The following LUZP2 variants were observed in gnomAD, a reference collection of about 807,000 sequenced individuals.
The protein encoded by LUZP2 is leucine zipper protein 2.
Under a neutral mutation model 51.6 loss-of-function variants are expected in LUZP2, and 52 were observed. The observed-to-expected ratio is 1.01, with a 90% CI of 0.81 to 1.27. The LOEUF (loss-of-function observed/expected upper bound fraction) is 1.27. Among genes scored for constraint, LUZP2 ranks in the 50% most tolerant of loss-of-function variants. LUZP2 has a pLI of 0.00. For synonymous variants in LUZP2, 154 were observed against 137.3 expected (o/e 1.12, Z -0.85); for missense variants, 436 against 395.4 (o/e 1.10, Z -0.87).
At chr11:24,792,229 C>T (rs1849428850) in intron 5 of LUZP2, among the ~76,000 whole-genome samples, 1 of 151,792 alleles carries the variant, frequency 6.6e-6, no homozygotes, top group Non-Finnish European at 1.5e-5. Context: ...GAAATTGAGA[C>T]CATCCTGCCA....
intron 5 of LUZP2, among the ~76,000 whole-genome samples, chr11:24,812,377 C>T (rs1398353675): frequency 6.6e-6 from 1 of 152,096 alleles, no homozygotes; most frequent in Non-Finnish European, 1.5e-5. Context: ...CTTCAATTCC[C>T]CTTCTGCTTC....
At chr11:24,773,087 T>G (rs1431796935) in intron 5 of LUZP2, among the ~76,000 whole-genome samples, 1 of 152,070 alleles carries the variant, frequency 6.6e-6, no homozygotes, top group Non-Finnish European at 1.5e-5. Context: ...TGTAGTTTTT[T>G]TTTTTTTTTG....
In LUZP2 at chr11:24,877,311, C is replaced by T. The variant is rs145938668; in HGVS notation, c.397-28680C>T. 6.3e-3 allele frequency among the ~76,000 whole-genome samples: 955 copies of T among 152,038 alleles called. 6 individuals carry two copies. Among genetic ancestry groups the T allele is most frequent in the Non-Finnish European group, 7.9e-3 (537 of 68,000 alleles). On this transcript the variant is annotated intron_variant, in intron 5 of 11. Coordinates refer to ENST00000336930, the MANE Select transcript of LUZP2 (RefSeq NM_001009909.4). ...AGTGAATATTTTATAAATCATTATT[C>T]GTGAGAGTAAGTCATTAACTCTCTG...
intron 7 of LUZP2, among the ~76,000 whole-genome samples, chr11:24,971,709 A>G (rs1165831456): frequency 6.6e-6 from 1 of 152,132 alleles, no homozygotes; most frequent in African/African-American, 2.4e-5. Context: ...ATCCTTTCCA[A>G]ACTGGAATCA....
chr11:24,798,720 C>A (rs1159942155), intron 5 of LUZP2, among the ~76,000 whole-genome samples: 1 of 152,052 alleles, frequency 6.6e-6, no homozygotes, highest in Admixed American at 6.6e-5. Context: ...CTGCTTCCCC[C>A]TGCTTGCCAT....
chr11:24,860,043 C>A (rs187294806), intron 5 of LUZP2, among the ~76,000 whole-genome samples: 239 of 152,328 alleles, frequency 1.6e-3, no homozygotes, highest in Non-Finnish European at 2.6e-3. Flanking sequence ...AACTGCCTAA[C>A]TCCCCGTGCA....
chr11:24,713,741 T>G (rs1857932407), intron 1 of LUZP2, among the ~76,000 whole-genome samples: 1 of 139,418 alleles, frequency 7.2e-6, no homozygotes, highest in Non-Finnish European at 1.5e-5. Flanking sequence ...CAGGTTGGAG[T>G]GCAGTAGCAT....
At chr11:24,792,754 A>G (rs893620420) in intron 5 of LUZP2, among the ~76,000 whole-genome samples, 2 of 152,240 alleles carry the variant, frequency 1.3e-5, no homozygotes, top group African/African-American at 4.8e-5. Flanking sequence ...ATTTCCTCCC[A>G]TTCACAATGA....
intron 7 of LUZP2, 77 bp downstream of exon 7, chr11:24,914,615 A>C (rs1344313367): frequency 6.0e-6 from 6 of 996,596 alleles, no homozygotes; most frequent in Non-Finnish European, 8.8e-6. Flanking sequence ...TTTAGGTTAA[A>C]TTTATTTTCT....
In LUZP2 at chr11:24,817,507, T is replaced by C. The variant is rs140326679; in HGVS notation, c.396+54199T>C. 3.4e-3 allele frequency among the ~76,000 whole-genome samples: 510 copies of C among 151,606 alleles called. 4 individuals carry two copies. Among genetic ancestry groups the C allele is most frequent in the African/African-American group, 0.012 (499 of 41,380 alleles). On this transcript the variant is annotated intron_variant, in intron 5 of 11. Transcript: ENST00000336930. The stretch of plus-strand genomic sequence containing the variant: ...ATTATACAACTGATGAATGAGAGAG[T>C]TGGAATCTGAAATCCAAATTTCAAC...
At position 24,738,298 on chromosome 11, in the gene LUZP2, C is replaced by CTA; in HGVS notation, c.330_331dup (p.Thr111IlefsTer6). On this transcript the variant is annotated frameshift_variant, in exon 4 of 12. Coordinates refer to ENST00000336930, the MANE Select transcript of LUZP2 (RefSeq NM_001009909.4). LOFTEE classifies it high-confidence loss of function. ...TCAGAGAAAGCAGAAAAACACCAGG[C>CTA]TACTGTAAGTGTGTTTCTTCTTTGT... 1 of 1,610,706 alleles carries CTA rather than the reference C, an allele frequency of 6.2e-7. No individual in the cohort carries two copies. The highest frequency in any genetic ancestry group is 8.5e-7 in the Non-Finnish European group (1 of 1,177,480).
intron 3 of LUZP2, among the ~76,000 whole-genome samples, chr11:24,734,637 C>CA (rs1281773590): frequency 6.6e-6 from 1 of 151,796 alleles, no homozygotes; most frequent in African/African-American, 2.4e-5. Context: ...AGATGTGATG[C>CA]ATTCGTTTTT....
chr11:25,052,757 T>C (rs1241860937), intron 10 of LUZP2, among the ~76,000 whole-genome samples: 2 of 152,108 alleles, frequency 1.3e-5, no homozygotes, highest in South Asian at 2.1e-4. Context: ...AGAACTTAAT[T>C]TCATTTTTTT....
At chr11:24,901,661 G>A (rs992024405) in intron 5 of LUZP2, among the ~76,000 whole-genome samples, 2 of 151,996 alleles carry the variant, frequency 1.3e-5, no homozygotes, top group East Asian at 3.9e-4. Context: ...GTCAGTTTAG[G>A]GAGACTCCCC....
chr11:24,684,099 A>G (rs1856826874), intron 1 of LUZP2, among the ~76,000 whole-genome samples: 1 of 151,968 alleles, frequency 6.6e-6, no homozygotes, highest in Non-Finnish European at 1.5e-5. Context: ...CTCAGGTCCA[A>G]TCTTCAAAAC....
chr11:24,616,573 T>G (rs376921879), intron 1 of LUZP2, among the ~76,000 whole-genome samples: 2 of 151,918 alleles, frequency 1.3e-5, no homozygotes, highest in Admixed American at 6.6e-5. Context: ...CTTTCCACCA[T>G]AGAAATTAAT....
chr11:25,066,349 A>T lies in LUZP2; in HGVS notation c.859-10980A>T, dbSNP rs140210882. On this transcript the variant is annotated intron_variant, in intron 10 of 11. Transcript: ENST00000336930. The stretch of plus-strand genomic sequence containing the variant: ...AGAGCTTTTCAACACAAGATTTATG[A>T]TCTTTGGAGATTTATAACTTGAACT... Among the ~76,000 whole-genome samples, 270 of 152,048 alleles carry T rather than the reference A, an allele frequency of 1.8e-3. 6 individuals carry two copies. The East Asian group carries it at 0.046, about 26-fold the overall frequency.
At chr11:24,649,976 G>GACACACAC (rs138976467) in intron 1 of LUZP2, among the ~76,000 whole-genome samples, 1 of 146,904 alleles carries the variant, frequency 6.8e-6, no homozygotes, top group Admixed American at 6.9e-5. Flanking sequence ...TACACACAGA[G>GACACACAC]ACACACACAC....
At chr11:24,527,808 C>G (rs1238157284) in intron 1 of LUZP2, among the ~76,000 whole-genome samples, 4 of 151,460 alleles carry the variant, frequency 2.6e-5, no homozygotes, top group Non-Finnish European at 5.9e-5. Flanking sequence ...ATGCTTTACT[C>G]TCCTTTAAAG....
Sources: gnomAD v4.1 joint callset for allele counts (sites outside exome capture counted in the v4.1 genomes callset) on GRCh38, gnomAD v4.1.1 for gene constraint, MANE v1.5 for transcripts, NCBI Gene and HGNC (gene_info 2026-07-23, HGNC 2026-07-21) for gene names.